Variants in RILPL1 observed in about 807,000 individuals in gnomAD.
RILPL1 encodes the protein RILP-like protein 1.
RILPL1 carries 33 observed loss-of-function variants against 50.3 expected under a neutral mutation model. That is an observed-to-expected ratio of 0.66 (90% CI 0.50 to 0.88). The LOEUF is 0.88. Ranked by LOEUF, RILPL1 falls within the 40% of genes least tolerant of loss-of-function variation. The pLI is 0.00. For missense variants in RILPL1, 418 were observed against 542.5 expected, an observed-to-expected ratio of 0.77 and a Z score of 2.28; for synonymous variants, 205 against 228.6, an observed-to-expected ratio of 0.90 and a Z score of 0.93.
intron 1 of RILPL1, among the ~76,000 whole-genome samples, chr12:123,530,133 CATAAGAT>C (rs1333314379): frequency 6.6e-6 from 1 of 152,056 alleles, no homozygotes; most frequent in African/African-American, 2.4e-5. Context: ...TACTGGGTCC[CATAAGAT>C]ATATTAAAAT....
rs139975754 is a variant in RILPL1, at chr12:123,487,088, C to T, written c.802-1283G>A. On this transcript the variant is annotated intron_variant, in intron 4 of 6. Transcript: ENST00000376874. The stretch of plus-strand genomic sequence containing the variant: ...TGCTGGGATTACAGGTGTGAGCCAC[C>T]GCACCCGGCTGAAAACCTGTACTTA... 2.9e-3 allele frequency among the ~76,000 whole-genome samples: 444 copies of T among 152,176 alleles called. 5 individuals carry two copies. The highest frequency in any genetic ancestry group is 3.9e-3 in the Non-Finnish European group (264 of 68,020).
chr12:123,484,598 G>A (rs555114945), intron 5 of RILPL1, among the ~76,000 whole-genome samples: 23 of 149,706 alleles, frequency 1.5e-4, no homozygotes, highest in Admixed American at 4.7e-4. Context: ...GAGGCCTTCC[G>A]ATTTCCACCC....
At position 123,484,206 on chromosome 12, in the gene RILPL1, G is replaced by C; in HGVS notation, c.1041C>G (p.Pro347=). Residue 347 remains proline (P), a synonymous_variant, in exon 6 of 7, where the codon CCC becomes CCG. Coordinates refer to ENST00000376874, the MANE Select transcript of RILPL1 (RefSeq NM_178314.5). The part of the protein sequence containing the change: ...PPPIAHPRTS[P]QPESGIKRLF... ...GTCGCTTGATGCCCGACTCCGGCTG[G>C]GGGGACGTCCTCGGGTGGGCGATGG... is the stretch of plus-strand genomic sequence containing the variant. 6.2e-7 allele frequency: 1 copy of C among 1,610,846 alleles called. No individual in the cohort carries two copies. Among genetic ancestry groups the C allele is most frequent in the Non-Finnish European group, 8.5e-7 (1 of 1,177,268 alleles).
intron 2 of RILPL1, among the ~76,000 whole-genome samples, chr12:123,521,583 GTGTATATA>G (rs1885018416): frequency 2.7e-5 from 1 of 36,408 alleles, no homozygotes; most frequent in Admixed American, 4.1e-4. Flanking sequence ...ACACACATAT[GTGTATATA>G]TATATTAATA....
At chr12:123,476,745 C>T (rs1238292759) in intron 6 of RILPL1, among the ~76,000 whole-genome samples, 5 of 152,138 alleles carry the variant, frequency 3.3e-5, no homozygotes, top group Non-Finnish European at 4.4e-5. Context: ...TTCTGGCCTC[C>T]GGAAGTGGGA....
chr12:123,521,924 G>A (rs886452979), intron 2 of RILPL1, among the ~76,000 whole-genome samples: 104 of 151,682 alleles, frequency 6.9e-4, no homozygotes, highest in Admixed American at 4.6e-4. Flanking sequence ...ACAGGCGCCC[G>A]CCTCCAGGCC....
intron 4 of RILPL1, among the ~76,000 whole-genome samples, chr12:123,492,053 C>A (rs1882724556): frequency 6.6e-6 from 1 of 151,868 alleles, no homozygotes; most frequent in South Asian, 2.1e-4. Flanking sequence ...GCAGGCAGAT[C>A]ATTTGAGGTC....
chr12:123,496,860 A>C (rs980981097), intron 4 of RILPL1, among the ~76,000 whole-genome samples: 4 of 152,214 alleles, frequency 2.6e-5, no homozygotes, highest in African/African-American at 9.6e-5. Flanking sequence ...TAACATGCAC[A>C]GTGTTGTGCG....
At chr12:123,481,127 C>T (rs1881963898) in intron 6 of RILPL1, among the ~76,000 whole-genome samples, 1 of 152,044 alleles carries the variant, frequency 6.6e-6, no homozygotes, top group African/African-American at 2.4e-5. Flanking sequence ...GAGGCCGAGG[C>T]GGGTGGATCA....
intron 2 of RILPL1, among the ~76,000 whole-genome samples, chr12:123,511,370 T>C (rs577639195): frequency 6.8e-6 from 1 of 147,820 alleles, no homozygotes; most frequent in East Asian, 2.1e-4. Context: ...GTGGTGTCTG[T>C]GTGAGGTCTG....
Position 123,470,473 on chromosome 12 carries a change from C to CAAAAAAAAAAAAA in RILPL1, c.*2052_*2064dup, listed in dbSNP as rs57574691. 1 of 86,160 alleles carries CAAAAAAAAAAAAA rather than the reference C, an allele frequency of 1.2e-5. No individual in the cohort carries two copies. The highest frequency in any genetic ancestry group is 1.3e-4 in the Admixed American group (1 of 7,528). 5.3% of individuals were successfully genotyped at this position (86,160 alleles called of 1,614,324 possible). ...AGGTGACAGAGTGAGACCCTGTGTC[C>CAAAAAAAAAAAAA]AAAAAAAAAAAAAAAAAAAAGGCCA... On this transcript the variant is annotated 3_prime_UTR_variant, in exon 7 of 7. Coordinates refer to ENST00000376874, the MANE Select transcript of RILPL1 (RefSeq NM_178314.5).
intron 4 of RILPL1, among the ~76,000 whole-genome samples, chr12:123,496,879 C>T (rs781430379): frequency 1.3e-4 from 20 of 152,308 alleles, no homozygotes; most frequent in Middle Eastern, 3.4e-3. Flanking sequence ...CGACCATCAC[C>T]GCTCTCTAAT....
chr12:123,492,375 G>C (rs879258796), intron 4 of RILPL1, among the ~76,000 whole-genome samples: 2 of 152,102 alleles, frequency 1.3e-5, no homozygotes, highest in African/African-American at 4.8e-5. Context: ...GCCATGTCCC[G>C]AACAGGTAAA....
chr12:123,476,782 CCT>C (rs1161684327), intron 6 of RILPL1, among the ~76,000 whole-genome samples: 7 of 152,314 alleles, frequency 4.6e-5, no homozygotes, highest in Admixed American at 2.6e-4. Context: ...TATTGAAGCC[CCT>C]GAGTCTGCAG....
chr12:123,525,700 C>CAAAAAAAAAA (rs1207503097), intron 1 of RILPL1, among the ~76,000 whole-genome samples: 19 of 44,896 alleles, frequency 4.2e-4, no homozygotes, highest in East Asian at 1.3e-3. Context: ...GACACTGTCT[C>CAAAAAAAAAA]AAAAAAAAAA....
intron 2 of RILPL1, among the ~76,000 whole-genome samples, chr12:123,520,167 C>A (rs1056663392): frequency 3.3e-5 from 5 of 152,234 alleles, no homozygotes; most frequent in African/African-American, 1.2e-4. Flanking sequence ...TTCACAACAG[C>A]CAAAAGGTGG....
intron 4 of RILPL1, among the ~76,000 whole-genome samples, chr12:123,486,027 C>T (rs563019421): frequency 1.3e-5 from 2 of 152,234 alleles, no homozygotes; most frequent in Admixed American, 1.3e-4. Flanking sequence ...TCCCAATAGC[C>T]GAACCCACGG....
chr12:123,484,131 G>A lies in RILPL1; in HGVS notation c.1067+49C>T, dbSNP rs369368085. On this transcript the variant is annotated intron_variant, in intron 6 of 6. Transcript: ENST00000376874. The stretch of plus-strand genomic sequence containing the variant: ...CCAAGGAGGAAAAGTCAAAGGACAC[G>A]TGAACCGCCAGGTCAGCCGAGCGCA... 66 of 1,258,522 alleles carry A rather than the reference G, an allele frequency of 5.2e-5. No homozygotes were observed. In the East Asian group the frequency reaches 8.1e-4, roughly 15 times the overall value. 78.0% of individuals were successfully genotyped at this position (1,258,522 alleles called of 1,614,324 possible).
chr12:123,504,531 G>A (rs1224132715), intron 2 of RILPL1, among the ~76,000 whole-genome samples: 3 of 152,056 alleles, frequency 2.0e-5, no homozygotes, highest in Non-Finnish European at 2.9e-5. Context: ...TGTCTCATTC[G>A]TCTCTGTATT....
Sources: allele counts gnomAD v4.1 joint callset (sites outside exome capture counted in the v4.1 genomes callset), GRCh38; gene constraint gnomAD v4.1.1; transcripts MANE v1.5; gene names NCBI Gene and HGNC (gene_info 2026-07-23, HGNC 2026-07-21).